ADAMDEC1: variants seen among roughly 807,000 people sequenced by gnomAD.
The protein encoded by ADAMDEC1 is ADAM like decysin 1, also known as ADAM DEC1.
A neutral mutation model predicts 60.4 loss-of-function variants in ADAMDEC1; 62 were observed. The observed-to-expected ratio is 1.03, with a 90% CI of 0.84 to 1.27. The LOEUF is 1.27. Ranked by LOEUF, ADAMDEC1 falls within the 50% of genes most tolerant of loss-of-function variation. ADAMDEC1 has a pLI of 0.00. For missense variants in ADAMDEC1, 595 were observed against 565.0 expected (o/e 1.05, Z -0.54); for synonymous variants, 210 against 195.1 (o/e 1.08, Z -0.64).
intron 5 of ADAMDEC1, among the ~76,000 whole-genome samples, chr8:24,396,287 G>C (rs1287338515): frequency 6.6e-6 from 1 of 152,196 alleles, no homozygotes. Context: ...GAGGCGGGCA[G>C]ATCAGGAGGT....
At chr8:24,398,142 A>G (rs1817664749) in intron 7 of ADAMDEC1, among the ~76,000 whole-genome samples, 1 of 151,578 alleles carries the variant, frequency 6.6e-6, no homozygotes, top group Non-Finnish European at 1.5e-5. Flanking sequence ...ACAGAGGAAA[A>G]TACTAGAATC....
Position 24,397,710 on chromosome 8 carries a change from T to C in ADAMDEC1, c.655T>C (p.Tyr219His). ...EKEDFLRAQK[Y>H]IDLYLVLDNA... Reference sequence around the variant, plus strand: ...AGAAGACTTTCTTCGGGCACAGAAATACATTGATCTCTATTTGGTGCTGGA... The same window carrying C: ...AGAAGACTTTCTTCGGGCACAGAAACACATTGATCTCTATTTGGTGCTGGA... The change falls in exon 7 of 14, where the codon TAC becomes CAC. Residue 219 changes from tyrosine (Y) to histidine (H), a missense_variant. By Grantham distance (83) the Tyr-to-His change is moderately conservative. Coordinates refer to ENST00000256412, the MANE Select transcript of ADAMDEC1 (RefSeq NM_014479.3). The C allele has an allele frequency of 1.2e-6, 2 of 1,613,654 alleles. No homozygotes were observed. The highest frequency in any genetic ancestry group is 1.7e-6 in the Non-Finnish European group (2 of 1,179,742).
intron 5 of ADAMDEC1, among the ~76,000 whole-genome samples, chr8:24,396,232 C>T (rs775467408): frequency 2.6e-5 from 4 of 152,086 alleles, no homozygotes; most frequent in Non-Finnish European, 5.9e-5. Flanking sequence ...AATAACAGGC[C>T]GGGTGCGGTG....
At chr8:24,387,062 G>A (rs1475029452) in intron 1 of ADAMDEC1, 1 of 152,218 alleles carries the variant, frequency 6.6e-6, no homozygotes, top group Non-Finnish European at 1.5e-5. Flanking sequence ...TGTCTGCTAT[G>A]GCCTCAGTTA....
chr8:24,393,575 T>C (rs1029634309), intron 3 of ADAMDEC1, among the ~76,000 whole-genome samples: 21 of 152,212 alleles, frequency 1.4e-4, no homozygotes, highest in African/African-American at 4.8e-4. Flanking sequence ...CTTAGTGAAC[T>C]TCTTTTTCTA....
intron 13 of ADAMDEC1, among the ~76,000 whole-genome samples, chr8:24,404,706 C>T (rs997057249): frequency 1.3e-4 from 20 of 152,104 alleles, no homozygotes; most frequent in Non-Finnish European, 2.5e-4. Context: ...ACTCAGGATA[C>T]ATTTTCTTTA....
rs201601165 is a variant in ADAMDEC1, at chr8:24,394,132, G to A, written c.348G>A (p.Thr116=). Residue 116 remains threonine, a synonymous_variant, in exon 4 of 14, where the codon ACG becomes ACA. Transcript: ENST00000256412. ...CACCCAGAGGAGAGGAAATTACCACGAAACCTGAGAACATGGTAGGGTCCG... is the reference window on the plus strand; with the variant it reads ...CACCCAGAGGAGAGGAAATTACCACAAAACCTGAGAACATGGTAGGGTCCG... ...LYSPRGEEIT[T]KPENMEHCYY... The A allele has an allele frequency of 6.8e-5, 109 of 1,611,632 alleles. 1 individual carries two copies. In the South Asian group the frequency reaches 1.0e-3, roughly 15 times the overall value.
rs147608974 is a variant in ADAMDEC1, at chr8:24,404,034, C to T, written c.1352C>T (p.Thr451Met). 16,399 of 1,613,638 alleles carry T rather than the reference C, an allele frequency of 0.01. 105 individuals are homozygous for T. The highest frequency in any genetic ancestry group is 0.012 in the Non-Finnish European group (13,900 of 1,179,702). The part of the protein sequence containing the change: ...ECTNLCCEAL[T>M]CKLKPGTDCG... ...ACCAATCTCTGCTGTGAAGCCCTAA[C>T]GTGTAAACTGAAGCCTGGAACTGAT... The change falls in exon 13 of 14, where the codon ACG (threonine) becomes ATG (methionine). Residue 451 changes from threonine (T) to methionine (M), a missense_variant. Coordinates refer to ENST00000256412, the MANE Select transcript of ADAMDEC1 (RefSeq NM_014479.3).
intron 1 of ADAMDEC1, among the ~76,000 whole-genome samples, chr8:24,389,854 G>C (rs1243022130): frequency 6.6e-6 from 1 of 152,096 alleles, no homozygotes; most frequent in African/African-American, 2.4e-5. Context: ...GCATCTTCCT[G>C]AAGTCTTGGC....
chr8:24,399,114 A>G, intron 9 of ADAMDEC1, 74 bp downstream of exon 9: 1 of 1,472,098 alleles, frequency 6.8e-7, no homozygotes, highest in Non-Finnish European at 9.2e-7. Context: ...AGGGATTTCC[A>G]CTCTGTAATA....
intron 1 of ADAMDEC1, 58 bp from the exon 2 acceptor site, chr8:24,392,204 C>A: frequency 7.5e-7 from 1 of 1,327,144 alleles, no homozygotes. Flanking sequence ...CAAAACACAA[C>A]ACGACTAAAA....
intron 1 of ADAMDEC1, among the ~76,000 whole-genome samples, chr8:24,388,337 A>G (rs1257229287): frequency 1.3e-5 from 2 of 152,106 alleles, no homozygotes; most frequent in Admixed American, 6.5e-5. Flanking sequence ...CTCTCTAGTT[A>G]GTCTCATCCC....
At chr8:24,398,587 A>T (rs767864618) in intron 8 of ADAMDEC1, 36 bp downstream of exon 8, 2 of 1,453,672 alleles carry the variant, frequency 1.4e-6, no homozygotes, top group South Asian at 2.4e-5. Flanking sequence ...ATGTTTCTGC[A>T]TAGGGAAGTT....
chr8:24,405,495 CT>C lies in ADAMDEC1; in HGVS notation c.*202del. 1 of 489,358 alleles carries C rather than the reference CT, an allele frequency of 2.0e-6. No homozygotes were observed. Among genetic ancestry groups the C allele is most frequent in the Non-Finnish European group, 3.5e-6 (1 of 282,716 alleles). 30.3% of individuals were successfully genotyped at this position (489,358 alleles called of 1,614,324 possible). ...GGCTCTTTGTTTAGGCCTAATCTTTCTTTTTACTTTTTTTTTTCTTTTTTCT... is the reference window on the plus strand; with the variant it reads ...GGCTCTTTGTTTAGGCCTAATCTTTCTTTTACTTTTTTTTTTCTTTTTTCT... On this transcript the variant is annotated 3_prime_UTR_variant, in exon 14 of 14. Coordinates refer to ENST00000256412, the MANE Select transcript of ADAMDEC1 (RefSeq NM_014479.3).
rs780897832 is a variant in ADAMDEC1, at chr8:24,404,078, A to G, written c.1396A>G (p.Asn466Asp). 1.9e-6 allele frequency: 3 copies of G among 1,613,516 alleles called. No individual in the cohort carries two copies. Among genetic ancestry groups the G allele is most frequent in the African/African-American group, 1.3e-5 (1 of 74,924 alleles). Reference protein sequence around the residue: ...PGTDCGGDAPNHTTE With the variant: ...PGTDCGGDAPDHTTE ...AACTGATTGCGGAGGAGATGCTCCAAACCATACCACGTAAGACCTTTTGTT... is the reference window on the plus strand; with the variant it reads ...AACTGATTGCGGAGGAGATGCTCCAGACCATACCACGTAAGACCTTTTGTT... Residue 466 changes from asparagine to aspartate, a missense_variant, in exon 13 of 14, where the codon AAC becomes GAC. Coordinates refer to ENST00000256412, the MANE Select transcript of ADAMDEC1 (RefSeq NM_014479.3).
intron 2 of ADAMDEC1, among the ~76,000 whole-genome samples, chr8:24,392,593 G>A (rs1489729524): frequency 6.6e-6 from 1 of 152,166 alleles, no homozygotes; most frequent in Non-Finnish European, 1.5e-5. Flanking sequence ...CACTTGATAA[G>A]AAAGGATAAA....
chr8:24,402,502 A>G (rs1017478284), intron 12 of ADAMDEC1, among the ~76,000 whole-genome samples: 3 of 152,170 alleles, frequency 2.0e-5, no homozygotes, highest in Non-Finnish European at 4.4e-5. Flanking sequence ...GGTTGTAAAC[A>G]GAGAAGAAAG....
chr8:24,398,338 C>T (rs1429288823), intron 7 of ADAMDEC1, 142 bp from the exon 8 acceptor site: 1 of 562,372 alleles, frequency 1.8e-6, no homozygotes, highest in Non-Finnish European at 3.1e-6. Context: ...ACAATGCAGT[C>T]TTACATTATT....
chr8:24,402,363 A>G (rs1196971115), intron 12 of ADAMDEC1, among the ~76,000 whole-genome samples: 4 of 152,158 alleles, frequency 2.6e-5, no homozygotes, highest in African/African-American at 4.8e-5. Flanking sequence ...AACGTGTATT[A>G]GTCAGAAATC....
Sources: allele counts gnomAD v4.1 joint callset (sites outside exome capture counted in the v4.1 genomes callset), GRCh38; gene constraint gnomAD v4.1.1; transcripts MANE v1.5; gene names NCBI Gene and HGNC (gene_info 2026-07-23, HGNC 2026-07-21).